Variants in LRPPRC observed in about 807,000 individuals in gnomAD.
LRPPRC encodes the protein leucine-rich PPR motif-containing protein, mitochondrial.
In LRPPRC, 120 loss-of-function variants were observed where a neutral mutation model predicts 180.3. That is an observed-to-expected ratio of 0.67 (90% CI 0.57 to 0.77). LRPPRC has a LOEUF of 0.77. Among genes scored for constraint, LRPPRC ranks in the 30% least tolerant of loss-of-function variants. LRPPRC has a pLI of 0.00. For missense variants in LRPPRC, 2,012 were observed against 1,657.2 expected, an observed-to-expected ratio of 1.21 and a Z score of -3.72; for synonymous variants, 723 against 600.0, an observed-to-expected ratio of 1.21 and a Z score of -3.00.
At chr2:43,957,991 T>C (rs1409926631) in intron 13 of LRPPRC, among the ~76,000 whole-genome samples, 1 of 152,234 alleles carries the variant, frequency 6.6e-6, no homozygotes, top group Non-Finnish European at 1.5e-5. Context: ...ATACGTCCGT[T>C]ATGTAATTGA....
chr2:43,963,247 C>T (rs867267237), intron 12 of LRPPRC, among the ~76,000 whole-genome samples: 22 of 152,182 alleles, frequency 1.4e-4, no homozygotes, highest in African/African-American at 5.1e-4. Flanking sequence ...GAGTTTGAGT[C>T]CAGCCCGACC....
chr2:43,946,031 G>GTAA (rs1457413992), intron 21 of LRPPRC, 82 bp downstream of exon 21: 10 of 1,368,960 alleles, frequency 7.3e-6, no homozygotes, highest in Non-Finnish European at 4.2e-6. Context: ...ATATAAGAGA[G>GTAA]TAATATTCCA....
At chr2:43,905,908 A>ACAGCTTTTGTGTTAT in intron 30 of LRPPRC, 128 bp from the exon 31 acceptor site, 1 of 731,270 alleles carries the variant, frequency 1.4e-6, no homozygotes, top group Non-Finnish European at 2.5e-6. Context: ...CAAAATATCG[A>ACAGCTTTTGTGTTAT]CCTGGAGACA....
At chr2:43,980,375 G>C (rs183169091) in intron 2 of LRPPRC, among the ~76,000 whole-genome samples, 31 of 152,162 alleles carry the variant, frequency 2.0e-4, no homozygotes, top group Non-Finnish European at 3.5e-4. Context: ...CCAACATGGA[G>C]AAACCCTGTC....
intron 24 of LRPPRC, 30 bp downstream of exon 24, chr2:43,934,724 A>G (rs1672212519): frequency 6.2e-7 from 1 of 1,608,320 alleles, no homozygotes; most frequent in Non-Finnish European, 8.5e-7. Context: ...GGAAAAAAAA[A>G]CTACATTAAG....
chr2:43,891,749 C>G (rs1282332491), intron 36 of LRPPRC, among the ~76,000 whole-genome samples: 1 of 152,186 alleles, frequency 6.6e-6, no homozygotes, highest in East Asian at 1.9e-4. Context: ...AGTCATACAT[C>G]TCTCATTTAA....
chr2:43,905,011 C>G (rs140493386), intron 31 of LRPPRC, among the ~76,000 whole-genome samples: 161 of 152,252 alleles, frequency 1.1e-3, no homozygotes, highest in African/African-American at 3.5e-3. Context: ...CCCTTCAAAA[C>G]TCATAAACAG....
At position 43,934,296 on chromosome 2, in the gene LRPPRC, G is replaced by C; in HGVS notation, c.2630C>G (p.Ala877Gly). The C allele has an allele frequency of 6.6e-7, 1 of 1,508,596 alleles. No homozygotes were observed. 93.5% of individuals were successfully genotyped at this position (1,508,596 alleles called of 1,614,324 possible). A position where few individuals can be genotyped will look rare whatever the true frequency, so the allele number is the denominator to read the frequency against. ...EKGETDLIQKAMDFVSQEQGE... is the reference protein window; with the variant it reads ...EKGETDLIQKGMDFVSQEQGE... ...TTGTTCTTGGCTCACAAAGTCCATT[G>C]CTAGGTAGGAGAGAAAAAAATATAT... Residue 877 changes from alanine (A) to glycine (G), a missense_variant and splice_region_variant, in exon 25 of 38, where the codon GCA becomes GGA. Coordinates refer to ENST00000260665, the MANE Select transcript of LRPPRC (RefSeq NM_133259.4).
chr2:43,933,860 A>G (rs1194505887), intron 25 of LRPPRC, among the ~76,000 whole-genome samples: 1 of 152,220 alleles, frequency 6.6e-6, no homozygotes, highest in Non-Finnish European at 1.5e-5. Context: ...ATTCTTTGGC[A>G]AAGAGGATTA....
chr2:43,989,869 C>T (rs369066004), intron 1 of LRPPRC, among the ~76,000 whole-genome samples: 3 of 152,280 alleles, frequency 2.0e-5, no homozygotes, highest in Admixed American at 6.5e-5. Context: ...TAATAACCCA[C>T]GGAAGTTGAA....
At chr2:43,965,295 G>A (rs193261108) in intron 11 of LRPPRC, among the ~76,000 whole-genome samples, 7 of 152,136 alleles carry the variant, frequency 4.6e-5, no homozygotes, top group Non-Finnish European at 8.8e-5. Context: ...CCCTGACCTC[G>A]TGATCTGCCC....
chr2:43,890,825 T>C (rs772091909), intron 36 of LRPPRC, among the ~76,000 whole-genome samples: 2 of 152,232 alleles, frequency 1.3e-5, no homozygotes, highest in Non-Finnish European at 2.9e-5. Flanking sequence ...TCTCTACTTG[T>C]GGCTGATTTG....
chr2:43,981,363 A>C (rs969104634), intron 2 of LRPPRC, among the ~76,000 whole-genome samples: 3 of 151,464 alleles, frequency 2.0e-5, no homozygotes, highest in Non-Finnish European at 2.9e-5. Flanking sequence ...ATTTTCTGAT[A>C]TGGAATAAAC....
chr2:43,979,316 T>C (rs1674197841), intron 3 of LRPPRC, among the ~76,000 whole-genome samples: 1 of 152,180 alleles, frequency 6.6e-6, no homozygotes, highest in Admixed American at 6.5e-5. Flanking sequence ...TTATTTATAC[T>C]CTGGAGAACA....
intron 23 of LRPPRC, among the ~76,000 whole-genome samples, chr2:43,938,961 G>A (rs541704844): frequency 7.2e-4 from 109 of 152,148 alleles, no homozygotes; most frequent in African/African-American, 2.6e-3. Flanking sequence ...TCTAATCCCA[G>A]AGAGTATACT....
At chr2:43,958,498 C>G (rs926480509) in intron 13 of LRPPRC, among the ~76,000 whole-genome samples, 4 of 152,148 alleles carry the variant, frequency 2.6e-5, no homozygotes, top group Non-Finnish European at 2.9e-5. Flanking sequence ...AGATCAGCTG[C>G]TATATTCCTT....
At position 43,955,935 on chromosome 2, in the gene LRPPRC, A is replaced by G. The variant is rs182870790; in HGVS notation, c.1649+1450T>C. Among the ~76,000 whole-genome samples the G allele has an allele frequency of 9.2e-5, 14 of 152,260 alleles. No individual in the cohort carries two copies. In the East Asian group the frequency reaches 2.5e-3, roughly 27 times the overall value. On this transcript the variant is annotated intron_variant, in intron 14 of 37. Transcript: ENST00000260665. Reference sequence around the variant, plus strand: ...GAGAGATGTGCGAATCACCATCTTAACCAAGTGATCAAACTTTGGTGGTGG... The same window carrying G: ...GAGAGATGTGCGAATCACCATCTTAGCCAAGTGATCAAACTTTGGTGGTGG...
intron 35 of LRPPRC, 53 bp from the exon 36 acceptor site, chr2:43,894,682 T>C (rs555971183): frequency 1.2e-6 from 1 of 861,804 alleles, no homozygotes; most frequent in East Asian, 2.4e-5. Flanking sequence ...AACAGTGAAT[T>C]AGAACACTGA....
chr2:43,890,203 A>G (rs932161698), intron 36 of LRPPRC: 1 of 407,610 alleles, frequency 2.5e-6, no homozygotes, highest in African/African-American at 2.1e-5. Context: ...TGAAGTCCTC[A>G]GTTATAAAAT....
Sources: gnomAD v4.1 joint callset for allele counts (sites outside exome capture counted in the v4.1 genomes callset) on GRCh38, gnomAD v4.1.1 for gene constraint, MANE v1.5 for transcripts, NCBI Gene and HGNC (gene_info 2026-07-23, HGNC 2026-07-21) for gene names.